Variants in FER observed in about 807,000 individuals in gnomAD.
The protein encoded by FER is FER tyrosine kinase, also known as tyrosine-protein kinase Fer.
Under a neutral mutation model 111.0 loss-of-function variants are expected in FER, and 63 were observed. The ratio of observed to expected loss-of-function variants is 0.57; its 90% confidence interval spans 0.46 to 0.70. The LOEUF is 0.70. Ranked by LOEUF, FER falls within the 30% of genes least tolerant of loss-of-function variation. The probability of loss-of-function intolerance (pLI) is 0.00; values close to 1 mark genes in which losing one functional copy is unlikely to be tolerated. For missense variants in FER, 914 were observed against 954.0 expected (o/e 0.96, Z 0.55); for synonymous variants, 327 against 313.9 (o/e 1.04, Z -0.44).
At chr5:109,130,153 A>G (rs1221982836) in intron 17 of FER, among the ~76,000 whole-genome samples, 1 of 152,032 alleles carries the variant, frequency 6.6e-6, no homozygotes, top group Non-Finnish European at 1.5e-5. Flanking sequence ...ATTTTTAAAA[A>G]ATGATTTAAA....
At chr5:108,751,075 C>A (rs1750449097) in intron 1 of FER, among the ~76,000 whole-genome samples, 1 of 152,040 alleles carries the variant, frequency 6.6e-6, no homozygotes, top group African/African-American at 2.4e-5. Flanking sequence ...GCCTGTAATC[C>A]CAGCTACTCG....
chr5:108,869,525 C>T (rs528345859), intron 6 of FER, among the ~76,000 whole-genome samples: 1 of 152,138 alleles, frequency 6.6e-6, no homozygotes, highest in African/African-American at 2.4e-5. Flanking sequence ...GCCCTAAATC[C>T]AATGGCTGGA....
At chr5:108,995,044 C>T (rs889935196) in intron 13 of FER, among the ~76,000 whole-genome samples, 2 of 151,998 alleles carry the variant, frequency 1.3e-5, no homozygotes, top group Non-Finnish European at 2.9e-5. Flanking sequence ...TGTAGGATCT[C>T]GTCATCTGCA....
intron 12 of FER, 143 bp downstream of exon 12, chr5:108,955,075 GTGCTTC>G: frequency 1.8e-6 from 1 of 555,370 alleles, no homozygotes; most frequent in Non-Finnish European, 3.0e-6. Flanking sequence ...CTTAAATACA[GTGCTTC>G]AAAATGTACT....
At position 108,899,600 on chromosome 5, in the gene FER, C is replaced by G. The variant is rs1259256018; in HGVS notation, c.1236+1752C>G. ...GATCACAAGGTCAGGAGATCGAGAC[C>G]ATCCTGGCCAACATGGTGAAACCCT... is the stretch of plus-strand genomic sequence containing the variant. On this transcript the variant is annotated intron_variant, in intron 10 of 19. Coordinates refer to ENST00000281092, the MANE Select transcript of FER (RefSeq NM_005246.4). 6.6e-5 allele frequency among the ~76,000 whole-genome samples: 10 copies of G among 151,500 alleles called. No homozygotes were observed. In the East Asian group the frequency reaches 1.9e-3, roughly 29 times the overall value.
At chr5:108,937,868 G>C (rs183986672) in intron 10 of FER, among the ~76,000 whole-genome samples, 1 of 151,856 alleles carries the variant, frequency 6.6e-6, no homozygotes, top group East Asian at 1.9e-4. Flanking sequence ...TGGAGACAGT[G>C]AGCATATATA....
intron 13 of FER, among the ~76,000 whole-genome samples, chr5:109,004,085 T>G (rs181855957): frequency 3.3e-4 from 50 of 152,320 alleles, no homozygotes; most frequent in African/African-American, 1.0e-3. Flanking sequence ...TATGAGGAAG[T>G]GAGCACTCTC....
At chr5:109,148,025 A>C (rs1251770111) in intron 17 of FER, among the ~76,000 whole-genome samples, 1 of 151,954 alleles carries the variant, frequency 6.6e-6, no homozygotes, top group Non-Finnish European at 1.5e-5. Context: ...GTATTTGTTT[A>C]ATAGGTTTTT....
intron 9 of FER, chr5:108,894,611 G>GA: frequency 5.5e-6 from 2 of 366,758 alleles, no homozygotes; most frequent in African/African-American, 2.1e-5. Context: ...CAAGGGACTT[G>GA]AAAAAATAAT....
At chr5:108,924,214 G>A (rs1466369012) in intron 10 of FER, among the ~76,000 whole-genome samples, 1 of 151,734 alleles carries the variant, frequency 6.6e-6, no homozygotes, top group African/African-American at 2.4e-5. Context: ...AAAAAATTTA[G>A]CCAGGCACGG....
chr5:108,755,772 C>T (rs1751029995), intron 1 of FER, among the ~76,000 whole-genome samples: 1 of 151,618 alleles, frequency 6.6e-6, no homozygotes, highest in Admixed American at 6.6e-5. Flanking sequence ...AGGCATGAGC[C>T]ACAGTGGCTG....
intron 3 of FER, among the ~76,000 whole-genome samples, chr5:108,831,291 C>T (rs1760019492): frequency 6.6e-6 from 1 of 152,044 alleles, no homozygotes; most frequent in African/African-American, 2.4e-5. Flanking sequence ...ACATTCTACA[C>T]ATGCCATAGA....
intron 2 of FER, among the ~76,000 whole-genome samples, chr5:108,771,972 C>T (rs1752946305): frequency 6.6e-6 from 1 of 152,046 alleles, no homozygotes; most frequent in South Asian, 2.1e-4. Context: ...ATTTATTTTG[C>T]ATGGTTAGGG....
In FER at chr5:108,941,592, A is replaced by ACG. The variant is rs1223445999; in HGVS notation, c.1237-4538_1237-4537insCG. 1.4e-4 allele frequency among the ~76,000 whole-genome samples: 22 copies of ACG among 152,288 alleles called. 1 individual carries two copies. The highest frequency in any genetic ancestry group is 5.3e-4 in the African/African-American group (22 of 41,572). On this transcript the variant is annotated intron_variant, in intron 10 of 19. Coordinates refer to ENST00000281092, the MANE Select transcript of FER (RefSeq NM_005246.4). ...TTACTGTTGTATCGTTATGTCCCTA[A>ACG]ATTGTATTAAAAGCAGAATCTTAGT...
chr5:109,130,559 C>T (rs78361202), intron 17 of FER, among the ~76,000 whole-genome samples: 15,884 of 151,658 alleles, frequency 0.1, 840 homozygotes, highest in Non-Finnish European at 0.12. Context: ...TAAATAATAA[C>T]TCAATACAGA....
intron 16 of FER, among the ~76,000 whole-genome samples, chr5:109,050,005 C>T (rs1490005003): frequency 2.0e-5 from 3 of 152,078 alleles, no homozygotes; most frequent in Non-Finnish European, 2.9e-5. Flanking sequence ...TAGGGCAAAC[C>T]CAAGAATACC....
intron 11 of FER, among the ~76,000 whole-genome samples, chr5:108,953,889 AAAC>A (rs920859790): frequency 7.9e-5 from 12 of 152,200 alleles, no homozygotes; most frequent in East Asian, 1.9e-4. Flanking sequence ...TGTGCCATAA[AAAC>A]AACAACAACA....
rs1214330814 is a variant in FER at position 108,984,428 on chromosome 5, T to C, written c.1656+25081T>C. 3.3e-5 allele frequency among the ~76,000 whole-genome samples: 5 copies of C among 152,144 alleles called. No individual in the cohort carries two copies. The East Asian group carries it at 9.6e-4, about 29-fold the overall frequency. On this transcript the variant is annotated intron_variant, in intron 13 of 19. Transcript: ENST00000281092. ...TACAAGTTTAAATATCCTTAGGGAA[T>C]AAAGCTGAAGAGTATAAGATTTGTT... is the stretch of plus-strand genomic sequence containing the variant.
rs187808921 is a variant in FER at position 108,944,186 on chromosome 5, T to C, written c.1237-1944T>C. Among the ~76,000 whole-genome samples, 65 of 152,176 alleles carry C rather than the reference T, an allele frequency of 4.3e-4. 1 individual carries two copies. Among genetic ancestry groups the C allele is most frequent in the African/African-American group, 1.4e-3 (60 of 41,536 alleles). ...TTAATTTTAAAATAATGAAAAACTA[T>C]TCTTAAATGAGATGCGAAACTGATA... On this transcript the variant is annotated intron_variant, in intron 10 of 19. Coordinates refer to ENST00000281092, the MANE Select transcript of FER (RefSeq NM_005246.4).
Sources: gnomAD v4.1 joint callset for allele counts (sites outside exome capture counted in the v4.1 genomes callset) on GRCh38, gnomAD v4.1.1 for gene constraint, MANE v1.5 for transcripts, NCBI Gene and HGNC (gene_info 2026-07-23, HGNC 2026-07-21) for gene names.